Variants in CPNE4 observed in about 807,000 individuals in gnomAD.
CPNE4 encodes the protein copine-4.
CPNE4 carries 25 observed loss-of-function variants against 67.9 expected under a neutral mutation model. The observed-to-expected ratio is 0.37, with a 90% CI of 0.27 to 0.51. CPNE4 has a LOEUF of 0.51. Ranked by LOEUF, CPNE4 falls within the 20% of genes least tolerant of loss-of-function variation. The pLI, the probability that CPNE4 is intolerant of heterozygous loss-of-function variation, is 0.93. For missense variants in CPNE4, 464 were observed against 690.8 expected (o/e 0.67, Z 3.68); for synonymous variants, 242 against 244.9 (o/e 0.99, Z 0.11).
chr3:131,989,322 T>C (rs1329888038), intron 1 of CPNE4, among the ~76,000 whole-genome samples: 1 of 152,230 alleles, frequency 6.6e-6, no homozygotes, highest in African/African-American at 2.4e-5. Flanking sequence ...GTCAACTAAG[T>C]GCCCCTAAAG....
chr3:131,916,875 T>C (rs375045458), intron 1 of CPNE4, among the ~76,000 whole-genome samples: 5 of 152,340 alleles, frequency 3.3e-5, no homozygotes, highest in East Asian at 1.9e-4. Flanking sequence ...CTTTGTTTTT[T>C]CTAAAGAACA....
At chr3:131,636,463 C>G (rs971935802) in intron 7 of CPNE4, among the ~76,000 whole-genome samples, 3 of 152,140 alleles carry the variant, frequency 2.0e-5, no homozygotes, top group African/African-American at 7.2e-5. Context: ...AACCACACCC[C>G]CATCACCCAC....
At chr3:131,703,171 T>C (rs2081342785) in intron 3 of CPNE4, among the ~76,000 whole-genome samples, 1 of 152,190 alleles carries the variant, frequency 6.6e-6, no homozygotes, top group Non-Finnish European at 1.5e-5. Flanking sequence ...TGCACCCAGC[T>C]CAAAAATGCT....
chr3:131,897,563 T>G (rs1298155497), intron 2 of CPNE4, among the ~76,000 whole-genome samples: 1 of 151,982 alleles, frequency 6.6e-6, no homozygotes, highest in African/African-American at 2.4e-5. Context: ...GCCTCTACAC[T>G]ATATACAATT....
In CPNE4 at chr3:131,971,606, C is replaced by T. The variant is rs553842383; in HGVS notation, c.-2+62961G>A. Among the ~76,000 whole-genome samples the T allele has an allele frequency of 1.4e-4, 21 of 152,288 alleles. No individual in the cohort carries two copies. In the South Asian group the frequency reaches 4.4e-3, roughly 32 times the overall value. ...CTCATTTACAAAACTTTACTGTGCTCAATATTTTTCTTGGCCCTTCAGTTG... is the reference window on the plus strand; with the variant it reads ...CTCATTTACAAAACTTTACTGTGCTTAATATTTTTCTTGGCCCTTCAGTTG... On this transcript the variant is annotated intron_variant, in intron 1 of 15. Transcript: ENST00000429747.
chr3:131,957,303 T>C (rs1484222278), intron 1 of CPNE4, among the ~76,000 whole-genome samples: 1 of 152,206 alleles, frequency 6.6e-6, no homozygotes, highest in Non-Finnish European at 1.5e-5. Flanking sequence ...TAATAGCTTC[T>C]TGAATTGAGC....
chr3:132,010,372 G>T (rs2073725790), intron 1 of CPNE4, among the ~76,000 whole-genome samples: 1 of 152,158 alleles, frequency 6.6e-6, no homozygotes, highest in South Asian at 2.1e-4. Flanking sequence ...GTTTTTAAGA[G>T]AAATCTACCA....
intron 1 of CPNE4, among the ~76,000 whole-genome samples, chr3:132,004,332 T>C (rs2073532872): frequency 6.6e-6 from 1 of 152,090 alleles, no homozygotes; most frequent in South Asian, 2.1e-4. Flanking sequence ...AGATAACCCT[T>C]AAGCTCAGAG....
chr3:131,817,321 G>T (rs2084783142), intron 2 of CPNE4, among the ~76,000 whole-genome samples: 1 of 152,178 alleles, frequency 6.6e-6, no homozygotes, highest in African/African-American at 2.4e-5. Context: ...TACCAAGGCT[G>T]CTATGAAGGG....
intron 1 of CPNE4, among the ~76,000 whole-genome samples, chr3:131,999,910 C>A (rs1560762000): frequency 6.6e-6 from 1 of 151,968 alleles, no homozygotes. Context: ...ATGATTATTT[C>A]TTTTCCTCCA....
At chr3:131,996,409 G>C (rs2073293776) in intron 1 of CPNE4, among the ~76,000 whole-genome samples, 2 of 151,932 alleles carry the variant, frequency 1.3e-5, no homozygotes, top group African/African-American at 2.4e-5. Context: ...AGGGAAAAGA[G>C]TCATTGCCCA....
intron 5 of CPNE4, among the ~76,000 whole-genome samples, chr3:131,686,281 G>C (rs1402310969): frequency 1.3e-5 from 2 of 152,182 alleles, no homozygotes; most frequent in African/African-American, 4.8e-5. Context: ...TCAAAGATCA[G>C]TTCAAATTCC....
intron 1 of CPNE4, among the ~76,000 whole-genome samples, chr3:131,925,236 C>T (rs2070862970): frequency 6.6e-6 from 1 of 151,692 alleles, no homozygotes; most frequent in African/African-American, 2.4e-5. Flanking sequence ...TTGCACTCTA[C>T]ACACACACAA....
At chr3:131,748,902 T>TTCAGA (rs36152702) in intron 2 of CPNE4, among the ~76,000 whole-genome samples, 1 of 151,864 alleles carries the variant, frequency 6.6e-6, no homozygotes, top group Non-Finnish European at 1.5e-5. Context: ...ATTGATTTTT[T>TTCAGA]CAAACAATTC....
chr3:131,735,847 C>G (rs1026714718), intron 2 of CPNE4, among the ~76,000 whole-genome samples: 6 of 152,136 alleles, frequency 3.9e-5, no homozygotes, highest in African/African-American at 1.4e-4. Flanking sequence ...TGGTATTTTG[C>G]CCAATTTCCA....
chr3:131,693,302 T>C lies in CPNE4; in HGVS notation c.507+3240A>G, dbSNP rs949821452. On this transcript the variant is annotated intron_variant, in intron 5 of 15. Coordinates refer to ENST00000429747, the MANE Select transcript of CPNE4 (RefSeq NM_130808.3). ...GGGATACCAAAGAGCTTTTGTTTTG[T>C]TGTATGTATTAATATTTACCATATT... 3.3e-5 allele frequency among the ~76,000 whole-genome samples: 5 copies of C among 152,326 alleles called. No individual in the cohort carries two copies. The East Asian group carries it at 9.6e-4, about 29-fold the overall frequency.
chr3:131,779,222 G>A (rs1199546651), intron 2 of CPNE4, among the ~76,000 whole-genome samples: 1 of 152,006 alleles, frequency 6.6e-6, no homozygotes, highest in African/African-American at 2.4e-5. Flanking sequence ...CACATTCATG[G>A]ATAGGAAGAA....
rs144309842 is a variant in CPNE4 at position 131,799,654 on chromosome 3, G to T, written c.181-76029C>A. On this transcript the variant is annotated intron_variant, in intron 2 of 15. Transcript: ENST00000429747. Reference sequence around the variant, plus strand: ...ATGAGGCTCTATCACTAAATTTGGGGCCACATACAATCACTGTTTTAAATA... The same window carrying T: ...ATGAGGCTCTATCACTAAATTTGGGTCCACATACAATCACTGTTTTAAATA... 7.2e-3 allele frequency among the ~76,000 whole-genome samples: 1,089 copies of T among 152,076 alleles called. 8 individuals carry two copies. Among genetic ancestry groups the T allele is most frequent in the Non-Finnish European group, 0.012 (800 of 67,984 alleles).
intron 7 of CPNE4, among the ~76,000 whole-genome samples, chr3:131,618,496 TG>T (rs2107754836): frequency 6.6e-6 from 1 of 152,324 alleles, no homozygotes; most frequent in East Asian, 1.9e-4. Flanking sequence ...TACTATCCTT[TG>T]GGCTACTGGA....
Sources: allele counts gnomAD v4.1 joint callset (sites outside exome capture counted in the v4.1 genomes callset), GRCh38; gene constraint gnomAD v4.1.1; transcripts MANE v1.5; gene names NCBI Gene and HGNC (gene_info 2026-07-23, HGNC 2026-07-21).